Variants in DCAF8L2 observed in about 807,000 individuals in gnomAD.
DCAF8L2 encodes the protein DDB1- and CUL4-associated factor 8-like protein 2.
For missense variants in DCAF8L2, 430 were observed against 490.7 expected (o/e 0.88, Z 1.17); for synonymous variants, 200 against 190.9 (o/e 1.05, Z -0.39).
chrX:27,692,856 A>G lies in DCAF8L2; in HGVS notation c.-143+14944A>G, dbSNP rs185203480. On this transcript the variant is annotated intron_variant, in intron 3 of 4. Coordinates refer to ENST00000451261, the MANE Select transcript of DCAF8L2 (RefSeq NM_001353450.2). ...GTGGGTAGAGGCCAGGAAGTCTGCT[A>G]AACATCCTACAGTGCACTGGATAGT... Among the ~76,000 whole-genome samples, 4 of 111,183 alleles carry G rather than the reference A, an allele frequency of 3.6e-5. No individual in the cohort carries two copies. The East Asian group carries it at 1.1e-3, about 32-fold the overall frequency.
chrX:27,642,730 CT>C (rs1277843698), intron 2 of DCAF8L2, among the ~76,000 whole-genome samples: 1 of 111,986 alleles, frequency 8.9e-6, no homozygotes, highest in African/African-American at 3.2e-5. Context: ...ATTAGTATAA[CT>C]TTTTATTTTT....
chrX:27,700,461 T>G (rs1931089296), intron 3 of DCAF8L2, among the ~76,000 whole-genome samples: 2 of 111,507 alleles, frequency 1.8e-5, no homozygotes, highest in Non-Finnish European at 3.8e-5. Context: ...ATATTTTTTT[T>G]CTCTTTGCTT....
chrX:27,659,564 G>T (rs895747293), intron 2 of DCAF8L2, among the ~76,000 whole-genome samples: 1 of 111,416 alleles, frequency 9.0e-6, no homozygotes, highest in African/African-American at 3.3e-5. Context: ...GATATTTGGT[G>T]GGGAAAGACC....
At chrX:27,704,941 T>A (rs1249368208) in intron 3 of DCAF8L2, among the ~76,000 whole-genome samples, 1 of 110,823 alleles carries the variant, frequency 9.0e-6, no homozygotes, top group Non-Finnish European at 1.9e-5. Context: ...CAATAAGAAT[T>A]CTTTCTGATC....
At chrX:27,532,892 A>G in the DCAF8L2 span, among the ~76,000 whole-genome samples, 1 of 105,547 alleles carries the variant, frequency 9.5e-6, no homozygotes, top group African/African-American at 3.4e-5. Context: ...CCTGGGCAGC[A>G]TGGCAAAACC....
At chrX:27,506,893 G>A in the DCAF8L2 span, among the ~76,000 whole-genome samples, 4 of 111,232 alleles carry the variant, frequency 3.6e-5, no homozygotes, top group African/African-American at 1.3e-4. Context: ...CTATTTCCAA[G>A]TAATGTCACA....
intron 4 of DCAF8L2, among the ~76,000 whole-genome samples, chrX:27,720,928 A>T (rs984043179): frequency 9.0e-6 from 1 of 111,560 alleles, no homozygotes. Context: ...TTAAAATTTG[A>T]GTTTTAAAAT....
Position 27,746,895 on chromosome X carries a change from G to A in DCAF8L2, c.-1G>A. On this transcript the variant is annotated 5_prime_UTR_variant, in exon 5 of 5. Transcript: ENST00000451261. Reference sequence around the variant, plus strand: ...ATCTACTACAGCAAACATCGTTCAAGATGTCCCACCAAGAAGGCAGCACAG... The same window carrying A: ...ATCTACTACAGCAAACATCGTTCAAAATGTCCCACCAAGAAGGCAGCACAG... The A allele has an allele frequency of 8.4e-7, 1 of 1,192,119 alleles. No homozygotes were observed. Among genetic ancestry groups the A allele is most frequent in the Non-Finnish European group, 1.1e-6 (1 of 886,969 alleles).
chrX:27,748,758 G>A lies in DCAF8L2; in HGVS notation c.1863G>A (p.Glu621=). The A allele has an allele frequency of 8.3e-7, 1 of 1,203,324 alleles. No homozygotes were observed. The highest frequency in any genetic ancestry group is 3.0e-5 in the East Asian group (1 of 33,631). Residue 621 remains glutamate (E), a synonymous_variant, in exon 5 of 5, where the codon GAG becomes GAA. Coordinates refer to ENST00000451261, the MANE Select transcript of DCAF8L2 (RefSeq NM_001353450.2). ...GCACTTCAGAGACATCTGAGGAGGAGGTCCAAGACCGAGTGCAGTGCATGC... is the reference window on the plus strand; with the variant it reads ...GCACTTCAGAGACATCTGAGGAGGAAGTCCAAGACCGAGTGCAGTGCATGC... The part of the protein sequence containing the change: ...SSSTSETSEE[E]VQDRVQCMPS
At chrX:27,635,980 T>G (rs1426106014) in intron 2 of DCAF8L2, among the ~76,000 whole-genome samples, 1 of 109,791 alleles carries the variant, frequency 9.1e-6, no homozygotes, top group African/African-American at 3.3e-5. Context: ...CCCAGCTAAT[T>G]TTTTGTATTT....
At chrX:27,516,281 C>T in the DCAF8L2 span, among the ~76,000 whole-genome samples, 27 of 111,088 alleles carry the variant, frequency 2.4e-4, no homozygotes, top group African/African-American at 8.8e-4. Flanking sequence ...TTAATATAAA[C>T]TAAAATTATA....
At chrX:27,576,450 A>G in the DCAF8L2 span, among the ~76,000 whole-genome samples, 4 of 112,220 alleles carry the variant, frequency 3.6e-5, no homozygotes, top group African/African-American at 1.3e-4. Flanking sequence ...AATATTTATT[A>G]CAAGTATTTG....
the DCAF8L2 span, among the ~76,000 whole-genome samples, chrX:27,502,330 AAAAAAATATATATATATATAT>A: frequency 1.1e-3 from 38 of 35,061 alleles, 2 homozygotes; most frequent in Non-Finnish European, 1.7e-3. Flanking sequence ...AAAAAAAAAA[AAAAAAATATATATATATATAT>A]ATATATATAT....
intron 3 of DCAF8L2, among the ~76,000 whole-genome samples, chrX:27,708,216 T>C (rs1367319594): frequency 1.8e-5 from 2 of 111,634 alleles, no homozygotes; most frequent in Admixed American, 9.5e-5. Context: ...CCATATGTGC[T>C]CAGTATTTAG....
intron 1 of DCAF8L2, among the ~76,000 whole-genome samples, chrX:27,628,493 T>A (rs1172104776): frequency 1.8e-5 from 2 of 112,001 alleles, no homozygotes; most frequent in African/African-American, 6.5e-5. Context: ...TTTTTAATTT[T>A]GAGGAACCTC....
rs946762686 is a variant in DCAF8L2, at chrX:27,746,752, T to G, written c.-58-86T>G. 1.5e-5 allele frequency: 8 copies of G among 525,865 alleles called. No homozygotes were observed. The Admixed American group carries it at 3.2e-4, about 21-fold the overall frequency. 43.3% of individuals were successfully genotyped at this position (525,865 alleles called of 1,213,427 possible). ...GGCAGAATAGTTTATTTAGTCTCCT[T>G]TAGCCAATCAGATTGCTGTTTGATT... On this transcript the variant is annotated intron_variant, in intron 4 of 4. Transcript: ENST00000451261.
At chrX:27,514,686 AAAAAAAAAACAAAAAAAAAAAAC>A in the DCAF8L2 span, among the ~76,000 whole-genome samples, 13 of 87,938 alleles carry the variant, frequency 1.5e-4, no homozygotes, top group African/African-American at 7.0e-4. Flanking sequence ...AAAAAAAAAA[AAAAAAAAAACAAAAAAAAAAAAC>A]AGAGTGAAAT....
At chrX:27,689,074 T>G (rs1275300813) in intron 3 of DCAF8L2, among the ~76,000 whole-genome samples, 1 of 112,429 alleles carries the variant, frequency 8.9e-6, no homozygotes, top group Non-Finnish European at 1.9e-5. Context: ...GCTATGATTC[T>G]AAATCATTCC....
chrX:27,471,422 G>A, the DCAF8L2 span, among the ~76,000 whole-genome samples: 1 of 111,268 alleles, frequency 9.0e-6, no homozygotes, highest in Admixed American at 9.6e-5. Context: ...ACACTCTTTA[G>A]CATTCTACCA....
Sources: gnomAD v4.1 joint callset for allele counts (sites outside exome capture counted in the v4.1 genomes callset) on GRCh38, gnomAD v4.1.1 for gene constraint, MANE v1.5 for transcripts, NCBI Gene and HGNC (gene_info 2026-07-23, HGNC 2026-07-21) for gene names.